Variants in AGBL1 observed in about 807,000 individuals in gnomAD.
AGBL1 encodes the protein cytosolic carboxypeptidase 4.
Under a neutral mutation model 118.9 loss-of-function variants are expected in AGBL1, and 130 were observed. The observed-to-expected ratio is 1.09, with a 90% CI of 0.95 to 1.26. The LOEUF (loss-of-function observed/expected upper bound fraction) is 1.26, where lower values mean the gene tolerates loss of function less well. Among genes scored for constraint, AGBL1 ranks in the 50% most tolerant of loss-of-function variants. The pLI, the probability that AGBL1 is intolerant of heterozygous loss-of-function variation, is 0.00. For synonymous variants in AGBL1, 555 were observed against 478.9 expected (o/e 1.16, Z -2.08); for missense variants, 1,584 against 1,298.1 (o/e 1.22, Z -3.38).
At chr15:87,024,542 C>G (rs575068058) in intron 24 of AGBL1, among the ~76,000 whole-genome samples, 1 of 152,070 alleles carries the variant, frequency 6.6e-6, no homozygotes, top group South Asian at 2.1e-4. Flanking sequence ...GTATTCACAG[C>G]AGAATTCTAC....
intron 18 of AGBL1, among the ~76,000 whole-genome samples, chr15:86,519,838 C>T (rs1220644568): frequency 6.6e-6 from 1 of 152,234 alleles, no homozygotes; most frequent in African/African-American, 2.4e-5. Context: ...GTATGTCTCA[C>T]ATTGGCCCAA....
rs1213044749 is a variant in AGBL1 at position 86,908,496 on chromosome 15, A to T, written c.*1202A>T. On this transcript the variant is annotated 3_prime_UTR_variant, in exon 23 of 23. Coordinates refer to ENST00000614907, the MANE Select transcript of AGBL1 (RefSeq NM_001386094.1). ...TGCATTCCAGCCCGGCAACAGAGCA[A>T]GACTCTGTCTCAAACAACAACAACA... 2.6e-5 allele frequency: 4 copies of T among 152,250 alleles called. No homozygotes were observed. The highest frequency in any genetic ancestry group is 9.7e-5 in the African/African-American group (4 of 41,420). The allele number at this position is 152,250 out of a possible 1,614,324, so 9.4% of individuals were successfully genotyped here.
rs1165214680 is a variant in AGBL1, at chr15:86,521,771, A to C, written c.2556-1039A>C. Among the ~76,000 whole-genome samples the C allele has an allele frequency of 3.3e-4, 50 of 152,288 alleles. 1 individual carries two copies. Among genetic ancestry groups the C allele is most frequent in the Non-Finnish European group, 1.0e-4 (7 of 68,026 alleles). ...TTAAAACAACAGAAACTCATTTCAC[A>C]CTTCTGGAGGCCATAAGTCAAGTGG... On this transcript the variant is annotated intron_variant, in intron 18 of 22. Coordinates refer to ENST00000614907, the MANE Select transcript of AGBL1 (RefSeq NM_001386094.1).
At position 86,269,949 on chromosome 15, in the gene AGBL1, T is replaced by C. The variant is rs2079132343; in HGVS notation, c.1869T>C (p.Asp623=). Residue 623 remains aspartate (D), a synonymous_variant, in exon 14 of 23, where the codon GAT becomes GAC. Transcript: ENST00000614907. ...AGTATGACTTGCTGGTCAACGCAGA[T>C]GTGAATAGCACCCAGCACCAGCAGT... The part of the protein sequence containing the change: ...EFEYDLLVNA[D]VNSTQHQQWF... The C allele has an allele frequency of 6.2e-7, 1 of 1,613,814 alleles. No individual in the cohort carries two copies. The highest frequency in any genetic ancestry group is 8.5e-7 in the Non-Finnish European group (1 of 1,179,864).
At chr15:86,619,139 C>T (rs1394977919) in intron 21 of AGBL1, among the ~76,000 whole-genome samples, 1 of 151,972 alleles carries the variant, frequency 6.6e-6, no homozygotes, top group African/African-American at 2.4e-5. Flanking sequence ...ATATCAAGTG[C>T]CTGCTATGAA....
chr15:86,682,253 G>A lies in AGBL1; in HGVS notation c.3158+7817G>A, dbSNP rs528702124. The stretch of plus-strand genomic sequence containing the variant: ...ATATCCTGCTTTAAAACATTAAATG[G>A]CTCCCTAACTGGTCAAGGGAAATGA... On this transcript the variant is annotated intron_variant, in intron 22 of 22. Coordinates refer to ENST00000614907, the MANE Select transcript of AGBL1 (RefSeq NM_001386094.1). 3.3e-5 allele frequency among the ~76,000 whole-genome samples: 5 copies of A among 152,196 alleles called. No homozygotes were observed. The East Asian group carries it at 9.6e-4, about 29-fold the overall frequency.
At chr15:86,194,747 C>G (rs927012835) in intron 5 of AGBL1, among the ~76,000 whole-genome samples, 1 of 152,188 alleles carries the variant, frequency 6.6e-6, no homozygotes, top group African/African-American at 2.4e-5. Flanking sequence ...ACAGGTAACC[C>G]TCTGTTCCAA....
intron 22 of AGBL1, among the ~76,000 whole-genome samples, chr15:86,684,809 G>T (rs780765089): frequency 2.6e-5 from 4 of 152,098 alleles, no homozygotes; most frequent in Non-Finnish European, 4.4e-5. Flanking sequence ...ACTCTCAAAG[G>T]TACAGCTACT....
intron 9 of AGBL1, among the ~76,000 whole-genome samples, chr15:86,258,880 T>A (rs1423574102): frequency 6.6e-6 from 1 of 152,164 alleles, no homozygotes; most frequent in Non-Finnish European, 1.5e-5. Flanking sequence ...CTAATTTTTG[T>A]ATTTTTAGTA....
chr15:86,498,345 T>A (rs1409073835), intron 18 of AGBL1, among the ~76,000 whole-genome samples: 1 of 151,948 alleles, frequency 6.6e-6, no homozygotes, highest in Non-Finnish European at 1.5e-5. Flanking sequence ...TACTAAATAC[T>A]CATTTGAGTG....
intron 1 of AGBL1, among the ~76,000 whole-genome samples, chr15:86,136,828 A>G (rs2141627107): frequency 6.6e-6 from 1 of 152,308 alleles, no homozygotes; most frequent in Middle Eastern, 3.4e-3. Context: ...GCAGGGAGTG[A>G]CACATTCAAA....
rs140157196 is a variant in AGBL1, at chr15:86,328,550, C to A, written c.2374+33142C>A. On this transcript the variant is annotated intron_variant, in intron 17 of 22. Coordinates refer to ENST00000614907, the MANE Select transcript of AGBL1 (RefSeq NM_001386094.1). Reference sequence around the variant, plus strand: ...AGTGCACAAAGATAAACTCTGTGAGCCTTAACTCAAGAGGAAAAACAGGAA... The same window carrying A: ...AGTGCACAAAGATAAACTCTGTGAGACTTAACTCAAGAGGAAAAACAGGAA... Among the ~76,000 whole-genome samples the A allele has an allele frequency of 8.8e-3, 1,347 of 152,212 alleles. 25 individuals are homozygous for A. The highest frequency in any genetic ancestry group is 0.031 in the African/African-American group (1,283 of 41,524).
chr15:86,625,157 T>C (rs746213379), intron 21 of AGBL1, among the ~76,000 whole-genome samples: 3 of 152,066 alleles, frequency 2.0e-5, no homozygotes, highest in Admixed American at 6.6e-5. Flanking sequence ...GACAATGATT[T>C]TAGTGTCGGC....
intron 18 of AGBL1, among the ~76,000 whole-genome samples, chr15:86,464,668 G>C (rs926056056): frequency 1.3e-5 from 2 of 152,088 alleles, no homozygotes; most frequent in Non-Finnish European, 2.9e-5. Flanking sequence ...GAATTTTATA[G>C]AAGGTCTTTT....
At chr15:86,439,872 A>G (rs1391680643) in intron 18 of AGBL1, among the ~76,000 whole-genome samples, 1 of 152,214 alleles carries the variant, frequency 6.6e-6, no homozygotes. Context: ...CAGTTTACTT[A>G]GGGAAAATCC....
intron 18 of AGBL1, among the ~76,000 whole-genome samples, chr15:86,408,974 G>A (rs1596078304): frequency 6.6e-6 from 1 of 152,214 alleles, no homozygotes; most frequent in South Asian, 2.1e-4. Context: ...GAACATTATA[G>A]GAATAGTTTA....
chr15:86,372,073 C>A (rs891421526), intron 17 of AGBL1, among the ~76,000 whole-genome samples: 1 of 152,196 alleles, frequency 6.6e-6, no homozygotes, highest in South Asian at 2.1e-4. Context: ...GGCTTTTCAT[C>A]CTGGTATAAT....
chr15:86,915,009 G>A lies in AGBL1; in HGVS notation c.*7715G>A, dbSNP rs2080401392. The A allele has an allele frequency of 6.6e-6, 1 of 152,166 alleles. No homozygotes were observed. Among genetic ancestry groups the A allele is most frequent in the Admixed American group, 6.5e-5 (1 of 15,284 alleles). The allele number at this position is 152,166 out of a possible 1,614,324, so 9.4% of individuals were successfully genotyped here. A position where few individuals can be genotyped will look rare whatever the true frequency, so the allele number is the denominator to read the frequency against. ...ACTTGATTATGCCGATAGTAAACCGGCGTTGTTTGATTTATTTGTGTGCCA... is the reference window on the plus strand; with the variant it reads ...ACTTGATTATGCCGATAGTAAACCGACGTTGTTTGATTTATTTGTGTGCCA... On this transcript the variant is annotated 3_prime_UTR_variant, in exon 23 of 23. Coordinates refer to ENST00000614907, the MANE Select transcript of AGBL1 (RefSeq NM_001386094.1).
At chr15:86,376,083 G>A (rs2081038033) in intron 17 of AGBL1, among the ~76,000 whole-genome samples, 1 of 152,216 alleles carries the variant, frequency 6.6e-6, no homozygotes, top group Non-Finnish European at 1.5e-5. Context: ...TTATGCTAGA[G>A]AGGTGCCAAG....
Sources: gnomAD v4.1 joint callset for allele counts (sites outside exome capture counted in the v4.1 genomes callset) on GRCh38, gnomAD v4.1.1 for gene constraint, MANE v1.5 for transcripts, NCBI Gene and HGNC (gene_info 2026-07-23, HGNC 2026-07-21) for gene names.